The following KIF1A variants were observed in gnomAD, a reference collection of about 807,000 sequenced individuals.
KIF1A encodes the protein kinesin family member 1A, also known as kinesin-like protein KIF1A.
KIF1A carries 46 observed loss-of-function variants against 227.3 expected under a neutral mutation model. The ratio of observed to expected loss-of-function variants is 0.20; its 90% CI spans 0.16 to 0.26. The LOEUF is 0.26. Ranked by LOEUF, KIF1A falls within the 10% of genes least tolerant of loss-of-function variation. The probability of loss-of-function intolerance (pLI) is 1.00; values close to 1 mark genes in which losing one functional copy is unlikely to be tolerated. For synonymous variants in KIF1A, 1,022 were observed against 1,012.8 expected, an observed-to-expected ratio of 1.01 and a Z score of -0.17; for missense variants, 1,683 against 2,485.9, an observed-to-expected ratio of 0.68 and a Z score of 6.87.
At chr2:240,787,727 C>G in intron 4 of KIF1A, among the ~76,000 whole-genome samples, 1 of 152,138 alleles carries the variant, frequency 6.6e-6, no homozygotes, top group Admixed American at 6.5e-5. Flanking sequence ...GAGCACCTCT[C>G]TCTGCCCACA....
Position 240,763,359 on chromosome 2 carries a change from G to A in KIF1A, c.1769-13C>T. Reference sequence around the variant, plus strand: ...ATGATGCGGTTTCCTGGGGAACAGAGGGACAGGTGGCCTTGAGGGATGGGG... The same window carrying A: ...ATGATGCGGTTTCCTGGGGAACAGAAGGACAGGTGGCCTTGAGGGATGGGG... On this transcript the variant is annotated splice_polypyrimidine_tract_variant and intron_variant, in intron 20 of 48. Coordinates refer to ENST00000498729, the MANE Select transcript of KIF1A (RefSeq NM_001244008.2). The A allele has an allele frequency of 6.4e-7, 1 of 1,560,182 alleles. No homozygotes were observed. The highest frequency in any genetic ancestry group is 8.7e-7 in the Non-Finnish European group (1 of 1,153,230).
chr2:240,774,746 T>C (rs2052528809), intron 11 of KIF1A, among the ~76,000 whole-genome samples: 1 of 152,180 alleles, frequency 6.6e-6, no homozygotes, highest in South Asian at 2.1e-4. Flanking sequence ...GAACAGACTG[T>C]GTTCTTTCTC....
At position 240,750,627 on chromosome 2, in the gene KIF1A, C is replaced by T. The variant is rs2049101152; in HGVS notation, c.2859-80G>A. 5.9e-6 allele frequency: 6 copies of T among 1,019,620 alleles called. No homozygotes were observed. In the East Asian group the frequency reaches 1.5e-4, roughly 25 times the overall value. The allele number at this position is 1,019,620 out of a possible 1,614,324, so 63.2% of individuals were successfully genotyped here. A position where few individuals can be genotyped will look rare whatever the true frequency, so the allele number is the denominator to read the frequency against. On this transcript the variant is annotated intron_variant, in intron 27 of 48. Coordinates refer to ENST00000498729, the MANE Select transcript of KIF1A (RefSeq NM_001244008.2). The stretch of plus-strand genomic sequence containing the variant: ...CGGCAGCGGTGGCAGCATGGCCTGG[C>T]TCACGACACAACATGGAGCTGCAAA...
intron 1 of KIF1A, among the ~76,000 whole-genome samples, chr2:240,805,879 G>A (rs866594926): frequency 6.6e-6 from 1 of 151,896 alleles, no homozygotes; most frequent in Non-Finnish European, 1.5e-5. Context: ...CAAACCAAAG[G>A]AAAAATCATG....
chr2:240,807,080 G>A (rs13391736), intron 1 of KIF1A, among the ~76,000 whole-genome samples: 62,653 of 103,266 alleles, frequency 0.61, 15,146 homozygotes, highest in African/African-American at 0.72. Context: ...TCATATATAT[G>A]TGTGTGTGTG....
At position 240,769,637 on chromosome 2, in the gene KIF1A, G is replaced by A; in HGVS notation, c.1411C>T (p.Arg471Trp). The change falls in exon 16 of 49, where the codon CGG becomes TGG. Residue 471 changes from arginine (R) to tryptophan (W), a missense_variant. Coordinates refer to ENST00000498729, the MANE Select transcript of KIF1A (RefSeq NM_001244008.2). ...TTCCCCGCTGCACACCTCTCCATCC[G>A]GATGGCTTCTGTCCGCCGCAGCTTC... ...EEKLRRTEAIRMEREALLAEM... is the reference protein window; with the variant it reads ...EEKLRRTEAIWMEREALLAEM... 3 of 1,613,206 alleles carry A rather than the reference G, an allele frequency of 1.9e-6. No individual in the cohort carries two copies. Among genetic ancestry groups the A allele is most frequent in the Non-Finnish European group, 2.5e-6 (3 of 1,179,620 alleles).
rs377302012 is a variant in KIF1A at position 240,772,741 on chromosome 2, G to A, written c.1181-145C>T. ...ACAAGCAGGGTGGTGAAGGTCTTCA[G>A]CTCCAGAACGCGGGGGACCTCGGTG... On this transcript the variant is annotated intron_variant, in intron 13 of 48. Transcript: ENST00000498729. 50 of 676,796 alleles carry A rather than the reference G, an allele frequency of 7.4e-5. No homozygotes were observed. In the South Asian group the frequency reaches 8.8e-4, roughly 12 times the overall value. The allele number at this position is 676,796 out of a possible 1,614,324, so 41.9% of individuals were successfully genotyped here.
chr2:240,764,128 A>T (rs2050858465), intron 20 of KIF1A, among the ~76,000 whole-genome samples: 1 of 152,046 alleles, frequency 6.6e-6, no homozygotes, highest in African/African-American at 2.4e-5. Flanking sequence ...GGCCCCATAG[A>T]GCCGGCTCTG....
At chr2:240,813,332 G>C (rs1429287417) in intron 1 of KIF1A, among the ~76,000 whole-genome samples, 1 of 152,226 alleles carries the variant, frequency 6.6e-6, no homozygotes, top group Non-Finnish European at 1.5e-5. Flanking sequence ...AAAGGGCGTG[G>C]GAGAGGCGTT....
chr2:240,781,897 C>T, intron 10 of KIF1A: 8 of 985,412 alleles, frequency 8.1e-6, no homozygotes, highest in Non-Finnish European at 9.6e-6. Context: ...CTTGGAACTC[C>T]TCACACGGGC....
At chr2:240,799,295 C>T (rs563123742) in intron 1 of KIF1A, among the ~76,000 whole-genome samples, 15 of 152,362 alleles carry the variant, frequency 9.8e-5, no homozygotes, top group African/African-American at 2.6e-4. Flanking sequence ...CCAGGGCAGA[C>T]GCTGAACTCC....
Position 240,721,834 on chromosome 2 carries a change from G to T in KIF1A, c.4716C>A (p.His1572Gln). ...TGCTCTCGCTGGCACTGACGCAGACGTGGCTGTGTGTGTACTCTCTGTTGA... is the reference window on the plus strand; with the variant it reads ...TGCTCTCGCTGGCACTGACGCAGACTTGGCTGTGTGTGTACTCTCTGTTGA... ...HTFNREYTHS[H>Q]VCVSASESKL... The change falls in exon 44 of 49, where the codon CAC (histidine) becomes CAA (glutamine). Residue 1572 changes from histidine (H) to glutamine (Q), a missense_variant. His to Gln is a conservative substitution (Grantham distance 24, BLOSUM62 0). Around this residue, in one of 12 missense-constraint regions of KIF1A, gnomAD observed 384 missense variants for 410.1 expected, o/e 0.94. Coordinates refer to ENST00000498729, the MANE Select transcript of KIF1A (RefSeq NM_001244008.2). 6.2e-7 allele frequency: 1 copy of T among 1,607,090 alleles called. No individual in the cohort carries two copies.
chr2:240,806,688 A>G (rs550271872), intron 1 of KIF1A, among the ~76,000 whole-genome samples: 12 of 152,222 alleles, frequency 7.9e-5, no homozygotes, highest in Non-Finnish European at 1.8e-4. Context: ...CTAGCATCCA[A>G]TCAAAAATTA....
chr2:240,753,953 T>C (rs897923489), intron 27 of KIF1A, among the ~76,000 whole-genome samples: 5 of 152,190 alleles, frequency 3.3e-5, no homozygotes, highest in Non-Finnish European at 5.9e-5. Flanking sequence ...TTGGCTTCCA[T>C]GGGCACCTCC....
chr2:240,781,955 C>A (rs1258406179), intron 10 of KIF1A: 1 of 985,328 alleles, frequency 1.0e-6, no homozygotes, highest in Non-Finnish European at 1.2e-6. Context: ...CACACAGCCA[C>A]CGCCGAGTTC....
In KIF1A at chr2:240,722,567, G is replaced by T; in HGVS notation, c.4554C>A (p.Ser1518Arg). 1.9e-6 allele frequency: 3 copies of T among 1,555,428 alleles called. No homozygotes were observed. The highest frequency in any genetic ancestry group is 2.4e-5 in the East Asian group (1 of 41,680). ...AGGAGCCATGGGACTCAGAGTCCTC[G>T]CTGAAGGCCGGGGACAGTGCCTCCG... The part of the protein sequence containing the change: ...PVPEALSPAF[S>R]EDSESHGSSS... Residue 1518 changes from serine (S) to arginine (R), a missense_variant, in exon 43 of 49, where the codon AGC becomes AGA. By Grantham distance (110) the Ser-to-Arg change is moderately radical. Coordinates refer to ENST00000498729, the MANE Select transcript of KIF1A (RefSeq NM_001244008.2).
chr2:240,813,366 C>A (rs1355620318), intron 1 of KIF1A, among the ~76,000 whole-genome samples: 1 of 152,182 alleles, frequency 6.6e-6, no homozygotes, highest in Non-Finnish European at 1.5e-5. Context: ...GCCCTGAGTG[C>A]CGCTTGCAGA....
At position 240,758,500 on chromosome 2, in the gene KIF1A, G is replaced by A; in HGVS notation, c.2445-3C>T. On this transcript the variant is annotated splice_region_variant and splice_polypyrimidine_tract_variant and intron_variant, in intron 25 of 48. Coordinates refer to ENST00000498729, the MANE Select transcript of KIF1A (RefSeq NM_001244008.2). This position sits in a 1 kb window ranked among gnomAD's most constrained non-coding sequence, Gnocchi z 5.2. ...CCCGCATCAGGTCCAGACGCTGCCT[G>A]CAGGGACGGCAGGGGTCAATGTGGA... 1 of 1,567,024 alleles carries A rather than the reference G, an allele frequency of 6.4e-7. No individual in the cohort carries two copies. Among genetic ancestry groups the A allele is most frequent in the Non-Finnish European group, 8.7e-7 (1 of 1,155,036 alleles).
chr2:240,783,711 G>T, intron 8 of KIF1A, 28 bp downstream of exon 8: 1 of 1,539,366 alleles, frequency 6.5e-7, no homozygotes, highest in South Asian at 1.2e-5. Context: ...TGTGGACACG[G>T]GTCCCCGCAT....
Sources: gnomAD v4.1 joint callset for allele counts (sites outside exome capture counted in the v4.1 genomes callset) on GRCh38, gnomAD v4.1.1 for gene constraint, gnomAD v4.1.1 regional missense constraint, Gnocchi (gnomAD v3.1) non-coding constraint, MANE v1.5 for transcripts, NCBI Gene and HGNC (gene_info 2026-07-23, HGNC 2026-07-21) for gene names.